Variants in PTPN14 observed in about 807,000 individuals in gnomAD.
PTPN14 encodes tyrosine-protein phosphatase non-receptor type 14.
A neutral mutation model predicts 126.8 loss-of-function variants in PTPN14; 53 were observed. The observed-to-expected ratio is 0.42, with a 90% confidence interval of 0.34 to 0.53. The LOEUF (loss-of-function observed/expected upper bound fraction) is 0.53. Ranked by LOEUF, PTPN14 falls within the 20% of genes least tolerant of loss-of-function variation. The pLI, the probability that PTPN14 is intolerant of heterozygous loss-of-function variation, is 0.08. For missense variants in PTPN14, 1,257 were observed against 1,552.9 expected (o/e 0.81, Z 3.20); for synonymous variants, 630 against 599.3 (o/e 1.05, Z -0.75).
At chr1:214,448,300 G>C (rs536157083) in intron 3 of PTPN14, among the ~76,000 whole-genome samples, 226 of 152,172 alleles carry the variant, frequency 1.5e-3, no homozygotes, top group African/African-American at 5.2e-3. Context: ...GCGCGATCTC[G>C]GCTCACTGCA....
intron 8 of PTPN14, among the ~76,000 whole-genome samples, chr1:214,395,224 G>A (rs1419847567): frequency 1.3e-5 from 2 of 152,026 alleles, no homozygotes; most frequent in African/African-American, 4.8e-5. Flanking sequence ...AGTTTTCTTT[G>A]TGACTAGCAA....
At chr1:214,497,768 C>G (rs1654566426) in intron 1 of PTPN14, among the ~76,000 whole-genome samples, 1 of 152,042 alleles carries the variant, frequency 6.6e-6, no homozygotes, top group Admixed American at 6.6e-5. Flanking sequence ...AAAACTTTCT[C>G]TACATTTCAT....
At chr1:214,393,841 G>A in intron 9 of PTPN14, 64 bp from the exon 10 acceptor site, 2 of 1,324,608 alleles carry the variant, frequency 1.5e-6, no homozygotes, top group Non-Finnish European at 1.1e-6. Context: ...ATTTCATTAA[G>A]ATTCTTCTGA....
chr1:214,369,676 T>C lies in PTPN14; in HGVS notation c.3052A>G (p.Lys1018Glu). ...AGTTTGGGCCAGTATCGGTGGCTTT[T>C]GGTTCGTCCACCCTCCTAAATCACA... The part of the protein sequence containing the change: ...VTAEEEGGRT[K>E]SHRYWPKLGS... The change falls in exon 17 of 19, where the codon AAA becomes GAA. Residue 1018 changes from lysine to glutamate, a missense_variant. By Grantham distance (56) the Lys-to-Glu change is moderately conservative. This residue lies in a region of PTPN14 where 171 missense variants were observed against 229.8 expected (regional missense o/e 0.74). Coordinates refer to ENST00000366956, the MANE Select transcript of PTPN14 (RefSeq NM_005401.5). 1 of 1,614,196 alleles carries C rather than the reference T, an allele frequency of 6.2e-7. No individual in the cohort carries two copies. The highest frequency in any genetic ancestry group is 8.5e-7 in the Non-Finnish European group (1 of 1,180,016).
chr1:214,446,728 T>C (rs980553131), intron 3 of PTPN14, among the ~76,000 whole-genome samples: 3 of 149,140 alleles, frequency 2.0e-5, no homozygotes, highest in Admixed American at 6.6e-5. Context: ...TGGGTTCATA[T>C]ACACAGCAAA....
At chr1:214,406,316 A>G (rs1471744809) in intron 5 of PTPN14, among the ~76,000 whole-genome samples, 1 of 152,058 alleles carries the variant, frequency 6.6e-6, no homozygotes, top group African/African-American at 2.4e-5. Context: ...CATCTCTACT[A>G]AAAATACAAA....
At chr1:214,532,757 A>G (rs983761509) in intron 1 of PTPN14, 8 of 800,524 alleles carry the variant, frequency 1.0e-5, no homozygotes, top group East Asian at 7.3e-5. Flanking sequence ...GATGACACCA[A>G]TGTCACTTGG....
rs904906418 is a variant in PTPN14 at position 214,514,437 on chromosome 1, T to C, written c.-155+36746A>G. On this transcript the variant is annotated intron_variant, in intron 1 of 18. Coordinates refer to ENST00000366956, the MANE Select transcript of PTPN14 (RefSeq NM_005401.5). ...GGGAAGATTTTCCAAATTTGCCATATAGACTTAGAGCAGTCCTCTATGGAT... is the reference window on the plus strand; with the variant it reads ...GGGAAGATTTTCCAAATTTGCCATACAGACTTAGAGCAGTCCTCTATGGAT... 6.6e-5 allele frequency among the ~76,000 whole-genome samples: 10 copies of C among 152,300 alleles called. 1 individual carries two copies. The highest frequency in any genetic ancestry group is 6.8e-3 in the Middle Eastern group (2 of 294).
rs150011976 is a variant in PTPN14 at position 214,384,557 on chromosome 1, G to A, written c.1298C>T (p.Ala433Val). Residue 433 changes from alanine to valine, a missense_variant, in exon 13 of 19, where the codon GCG becomes GTG. By Grantham distance (64) the Ala-to-Val change is moderately conservative. Around this residue, in one of 3 missense-constraint regions of PTPN14, gnomAD observed 1,021 missense variants for 1,183.3 expected, o/e 0.86. Transcript: ENST00000366956. The surrounding 1 kb of genome is among the most constrained non-coding windows in gnomAD (Gnocchi z 5.3). ...ADYIPSHRHS[A>V]IIVPSYRPTP... ...TGGCCTGTACGAGGGCACGATGATC[G>A]CGCTGTGCCGGTGGCTCGGGATGTA... is the stretch of plus-strand genomic sequence containing the variant. 41 of 1,613,978 alleles carry A rather than the reference G, an allele frequency of 2.5e-5. No individual in the cohort carries two copies. Among genetic ancestry groups the A allele is most frequent in the Middle Eastern group, 1.6e-4 (1 of 6,084 alleles).
chr1:214,369,861 A>G (rs1231586786), intron 16 of PTPN14, among the ~76,000 whole-genome samples, 170 bp from the exon 17 acceptor site: 1 of 152,252 alleles, frequency 6.6e-6, no homozygotes, highest in African/African-American at 2.4e-5. Flanking sequence ...GTTAAGACCA[A>G]TAACACAATT....
intron 1 of PTPN14, among the ~76,000 whole-genome samples, chr1:214,523,090 C>T: frequency 6.6e-6 from 1 of 152,130 alleles, no homozygotes; most frequent in East Asian, 1.9e-4. Flanking sequence ...GATTAATGTG[C>T]TATTCATCCT....
In PTPN14 at chr1:214,349,874, A is replaced by G. The variant is rs971406637; in HGVS notation, c.*8048T>C. On this transcript the variant is annotated 3_prime_UTR_variant, in exon 19 of 19. Coordinates refer to ENST00000366956, the MANE Select transcript of PTPN14 (RefSeq NM_005401.5). ...ATTCAGTTCTATGCTCAAGGTATGT[A>G]TTAGCTAACACTGCAGTTGTCAGAG... is the stretch of plus-strand genomic sequence containing the variant. 5 of 152,198 alleles carry G rather than the reference A, an allele frequency of 3.3e-5. No homozygotes were observed. Among genetic ancestry groups the G allele is most frequent in the African/African-American group, 1.2e-4 (5 of 41,450 alleles). The allele number at this position is 152,198 out of a possible 1,614,324, so 9.4% of individuals were successfully genotyped here. A position where few individuals can be genotyped will look rare whatever the true frequency, so the allele number is the denominator to read the frequency against.
intron 1 of PTPN14, among the ~76,000 whole-genome samples, chr1:214,512,835 C>T (rs961244180): frequency 6.6e-5 from 10 of 152,190 alleles, no homozygotes; most frequent in African/African-American, 2.2e-4. Flanking sequence ...GGACCACAGG[C>T]GCACATCATC....
chr1:214,452,592 T>A (rs1432151724), intron 2 of PTPN14, among the ~76,000 whole-genome samples: 1 of 152,228 alleles, frequency 6.6e-6, no homozygotes, highest in South Asian at 2.1e-4. Context: ...GATCGCCTCC[T>A]CACAGCTGCT....
At chr1:214,449,630 A>T (rs2102631481) in intron 3 of PTPN14, among the ~76,000 whole-genome samples, 1 of 152,346 alleles carries the variant, frequency 6.6e-6, no homozygotes, top group East Asian at 1.9e-4. Flanking sequence ...GGAAATCATC[A>T]CATTTTGAGG....
At chr1:214,368,196 T>TTTTA (rs142403379) in intron 17 of PTPN14, among the ~76,000 whole-genome samples, 140 of 146,320 alleles carry the variant, frequency 9.6e-4, no homozygotes, top group South Asian at 2.4e-3. Context: ...TGTTATTCGT[T>TTTTA]TTTATTTATT....
chr1:214,509,976 C>T (rs770045278), intron 1 of PTPN14, among the ~76,000 whole-genome samples: 20 of 152,274 alleles, frequency 1.3e-4, no homozygotes, highest in Middle Eastern at 3.4e-3. Flanking sequence ...CATCACACAC[C>T]GGGGCCTTTC....
At chr1:214,546,057 T>G (rs1256794452) in intron 1 of PTPN14, among the ~76,000 whole-genome samples, 1 of 152,174 alleles carries the variant, frequency 6.6e-6, no homozygotes, top group Admixed American at 6.5e-5. Flanking sequence ...ATGGAATCAT[T>G]CAAACTGGTG....
intron 1 of PTPN14, chr1:214,533,339 A>T: frequency 2.0e-6 from 1 of 512,086 alleles, no homozygotes; most frequent in Non-Finnish European, 3.6e-6. Flanking sequence ...GAAGACGGTG[A>T]GGACTTCAAT....
Sources: gnomAD v4.1 joint callset for allele counts (sites outside exome capture counted in the v4.1 genomes callset) on GRCh38, gnomAD v4.1.1 for gene constraint, gnomAD v4.1.1 regional missense constraint, Gnocchi (gnomAD v3.1) non-coding constraint, MANE v1.5 for transcripts, NCBI Gene and HGNC (gene_info 2026-07-23, HGNC 2026-07-21) for gene names.